FAP: variants seen among roughly 807,000 people sequenced by gnomAD.
FAP encodes prolyl endopeptidase FAP.
FAP carries 110 observed loss-of-function variants against 126.5 expected under a neutral mutation model. That is an observed-to-expected ratio of 0.87 (90% CI 0.74 to 1.02). The LOEUF (loss-of-function observed/expected upper bound fraction) is 1.02. FAP is among the 50% of genes least tolerant of loss of function. FAP has a pLI of 0.00. For synonymous variants in FAP, 334 were observed against 297.3 expected, an observed-to-expected ratio of 1.12 and a Z score of -1.27; for missense variants, 919 against 909.2, an observed-to-expected ratio of 1.01 and a Z score of -0.14.
chr2:162,185,560 C>T (rs1025044962), intron 20 of FAP, among the ~76,000 whole-genome samples: 4 of 152,128 alleles, frequency 2.6e-5, no homozygotes, highest in African/African-American at 9.7e-5. Context: ...TCTTCTGACG[C>T]ATTTTCTTTC....
rs747863601 is a variant in FAP at position 162,243,311 on chromosome 2, C to T, written c.6+11G>A. The T allele has an allele frequency of 6.2e-6, 10 of 1,601,982 alleles. No individual in the cohort carries two copies. Among genetic ancestry groups the T allele is most frequent in the South Asian group, 2.2e-5 (2 of 90,314 alleles). On this transcript the variant is annotated intron_variant, in intron 1 of 25. Transcript: ENST00000188790. Reference sequence around the variant, plus strand: ...AATTTTTTAAGAATACTTGAGGTTGCTTATACTAACCTTCATTTTTCCAGA... The same window carrying T: ...AATTTTTTAAGAATACTTGAGGTTGTTTATACTAACCTTCATTTTTCCAGA...
rs888810769 is a variant in FAP, at chr2:162,243,429, G to T, written c.-102C>A. The T allele has an allele frequency of 1.1e-5, 16 of 1,478,404 alleles. No homozygotes were observed. The highest frequency in any genetic ancestry group is 1.4e-5 in the Non-Finnish European group (16 of 1,106,976). 91.6% of individuals were successfully genotyped at this position (1,478,404 alleles called of 1,614,324 possible). ...AGGACCAAGTCTGTCTTTGTAGTTG[G>T]AAGCTGAAGCCAGGACAAGGTTTTT... is the stretch of plus-strand genomic sequence containing the variant. On this transcript the variant is annotated 5_prime_UTR_variant, in exon 1 of 26. Coordinates refer to ENST00000188790, the MANE Select transcript of FAP (RefSeq NM_004460.5).
At chr2:162,195,748 A>C (rs1249952660) in intron 16 of FAP, among the ~76,000 whole-genome samples, 1 of 152,194 alleles carries the variant, frequency 6.6e-6, no homozygotes, top group Non-Finnish European at 1.5e-5. Context: ...CCTTATTTGA[A>C]ATACAGGATC....
chr2:162,185,544 A>G (rs1172186615), intron 20 of FAP, among the ~76,000 whole-genome samples: 1 of 152,104 alleles, frequency 6.6e-6, no homozygotes, highest in East Asian at 1.9e-4. Context: ...TAGCTTCACA[A>G]ACATCTCTTC....
At chr2:162,240,532 A>G (rs781770920) in intron 2 of FAP, among the ~76,000 whole-genome samples, 1 of 152,198 alleles carries the variant, frequency 6.6e-6, no homozygotes, top group Non-Finnish European at 1.5e-5. Flanking sequence ...AGGGAATTCT[A>G]GACTGCTGCA....
intron 2 of FAP, among the ~76,000 whole-genome samples, chr2:162,236,192 G>T (rs1690122428): frequency 6.6e-6 from 1 of 151,966 alleles, no homozygotes. Flanking sequence ...TATATTGCTG[G>T]ATTTGGCATG....
chr2:162,198,480 C>T, intron 16 of FAP: 1 of 716,978 alleles, frequency 1.4e-6, no homozygotes, highest in Admixed American at 3.3e-5. Flanking sequence ...GACTTAGAGG[C>T]AACAGCACTT....
rs1688176664 is a variant in FAP, at chr2:162,194,646, CACAGAGAGTTCAGGATT to C, written c.1450+38_1450+54del. Reference sequence around the variant, plus strand: ...TGTCCTGCTTTCTCTAGCGGAGCATCACAGAGAGTTCAGGATTACTTGAGACAAGATAGATAACATGC... The same window carrying C: ...TGTCCTGCTTTCTCTAGCGGAGCATCACTTGAGACAAGATAGATAACATGC... On this transcript the variant is annotated intron_variant, in intron 17 of 25. Coordinates refer to ENST00000188790, the MANE Select transcript of FAP (RefSeq NM_004460.5). 5.3e-6 allele frequency: 8 copies of C among 1,519,804 alleles called. No individual in the cohort carries two copies. The South Asian group carries it at 9.0e-5, about 17-fold the overall frequency. 94.1% of individuals were successfully genotyped at this position (1,519,804 alleles called of 1,614,324 possible).
In FAP at chr2:162,202,913, C is replaced by T; in HGVS notation, c.1182G>A (p.Lys394=). Residue 394 remains lysine (K), a synonymous_variant, in exon 14 of 26, where the codon AAG becomes AAA. Transcript: ENST00000188790. ...CTCTGAATATATTTATGGCCTCCCA[C>T]TTGCCACTTGTAATTTGAATAGCAT... is the stretch of plus-strand genomic sequence containing the variant. ...VENAIQITSG[K]WEAINIFRVT... The T allele has an allele frequency of 6.2e-7, 1 of 1,613,820 alleles. No individual in the cohort carries two copies. Among genetic ancestry groups the T allele is most frequent in the Non-Finnish European group, 8.5e-7 (1 of 1,179,732 alleles).
At chr2:162,203,272 TTC>T in intron 12 of FAP, 127 bp from the exon 13 acceptor site, 1 of 617,048 alleles carries the variant, frequency 1.6e-6, no homozygotes, top group Non-Finnish European at 2.8e-6. Context: ...CTCCTCTGTC[TTC>T]TGTCATTCAC....
At chr2:162,211,992 G>T (rs1688956031) in intron 11 of FAP, among the ~76,000 whole-genome samples, 1 of 152,116 alleles carries the variant, frequency 6.6e-6, no homozygotes, top group African/African-American at 2.4e-5. Context: ...AAAATGTGTT[G>T]CATGTATTTA....
rs373634851 is a variant in FAP, at chr2:162,189,189, A to G, written c.1550-17T>C. ...ACCATAAAGCTTTGAGGAAAAAAAA[A>G]GGAGAAAAATCTTCATTCCACAGCA... is the stretch of plus-strand genomic sequence containing the variant. On this transcript the variant is annotated splice_polypyrimidine_tract_variant and intron_variant, in intron 18 of 25. Coordinates refer to ENST00000188790, the MANE Select transcript of FAP (RefSeq NM_004460.5). The G allele has an allele frequency of 1.3e-5, 20 of 1,553,174 alleles. No homozygotes were observed. In the African/African-American group the frequency reaches 2.5e-4, roughly 19 times the overall value.
chr2:162,222,379 A>C (rs1367013807), intron 6 of FAP, among the ~76,000 whole-genome samples: 2 of 152,196 alleles, frequency 1.3e-5, no homozygotes, highest in Non-Finnish European at 2.9e-5. Context: ...GACAAGAAGG[A>C]CTCAGAATGC....
chr2:162,209,128 C>T (rs548183847), intron 12 of FAP, among the ~76,000 whole-genome samples: 1 of 151,716 alleles, frequency 6.6e-6, no homozygotes, highest in South Asian at 2.1e-4. Context: ...CGATTTCTGA[C>T]TTTTTTTTGT....
At chr2:162,203,359 C>T (rs1318372187) in intron 12 of FAP, among the ~76,000 whole-genome samples, 1 of 152,136 alleles carries the variant, frequency 6.6e-6, no homozygotes, top group African/African-American at 2.4e-5. Context: ...CCGACCACTG[C>T]TTGGCTGCTA....
intron 18 of FAP, 150 bp downstream of exon 18, chr2:162,189,506 G>C: frequency 1.7e-6 from 1 of 577,370 alleles, no homozygotes; most frequent in Non-Finnish European, 3.1e-6. Flanking sequence ...GTAAAACTAA[G>C]AATTGTTACA....
Position 162,171,201 on chromosome 2 carries a change from C to A in FAP, c.2182-121G>T, listed in dbSNP as rs1329196853. On this transcript the variant is annotated intron_variant, in intron 25 of 25. Coordinates refer to ENST00000188790, the MANE Select transcript of FAP (RefSeq NM_004460.5). ...ATTATGGGGAAACTGTACCTAAGAA[C>A]ACTCAAATAAGTAAAATAGCTTACA... 32 of 655,806 alleles carry A rather than the reference C, an allele frequency of 4.9e-5. No homozygotes were observed. In the Admixed American group the frequency reaches 7.1e-4, roughly 15 times the overall value. The allele number at this position is 655,806 out of a possible 1,614,324, so 40.6% of individuals were successfully genotyped here.
At chr2:162,193,017 C>A (rs1242220561) in intron 17 of FAP, among the ~76,000 whole-genome samples, 5 of 152,096 alleles carry the variant, frequency 3.3e-5, no homozygotes, top group African/African-American at 9.7e-5. Flanking sequence ...TCATCTATAA[C>A]CTCCTTGAGG....
At chr2:162,217,111 C>A (rs1438040108) in intron 9 of FAP, among the ~76,000 whole-genome samples, 1 of 152,182 alleles carries the variant, frequency 6.6e-6, no homozygotes, top group Non-Finnish European at 1.5e-5. Flanking sequence ...GTCTGCAATT[C>A]TATTTCTTTC....
Sources: gnomAD v4.1 joint callset for allele counts (sites outside exome capture counted in the v4.1 genomes callset) on GRCh38, gnomAD v4.1.1 for gene constraint, MANE v1.5 for transcripts, NCBI Gene and HGNC (gene_info 2026-07-23, HGNC 2026-07-21) for gene names.